KCNH3: variants seen among roughly 807,000 people sequenced by gnomAD.
KCNH3 encodes potassium voltage-gated channel subfamily H member 3, also known as voltage-gated inwardly rectifying potassium channel KCNH3.
In KCNH3, 36 loss-of-function variants were observed where a neutral mutation model predicts 95.6. The observed-to-expected ratio is 0.38, with a 90% confidence interval of 0.29 to 0.50. The LOEUF (loss-of-function observed/expected upper bound fraction) is 0.50. KCNH3 is among the 20% of genes least tolerant of loss of function. The pLI is 0.95. For missense variants in KCNH3, 1,030 were observed against 1,484.1 expected (o/e 0.69, Z 5.03); for synonymous variants, 620 against 646.3 (o/e 0.96, Z 0.62).
In KCNH3 at chr12:49,555,926, A is replaced by G. The variant is rs1438943395; in HGVS notation, c.2443A>G (p.Asn815Asp). The G allele has an allele frequency of 1.3e-6, 2 of 1,568,248 alleles. No individual in the cohort carries two copies. The change falls in exon 12 of 15, where the codon AAT becomes GAT. Residue 815 changes from asparagine to aspartate, a missense_variant. Physicochemically the swap from Asn to Asp is conservative, Grantham distance 23. Coordinates refer to ENST00000257981, the MANE Select transcript of KCNH3 (RefSeq NM_012284.3). Reference sequence around the variant, plus strand: ...GCTACGGCTGCCCCCCATGCCATGGAATGTGCCCCCAGATCTGAGCCCCAG... The same window carrying G: ...GCTACGGCTGCCCCCCATGCCATGGGATGTGCCCCCAGATCTGAGCCCCAG... ...EGLRLPPMPW[N>D]VPPDLSPRVV...
chr12:49,539,328 C>A lies in KCNH3; in HGVS notation c.-89C>A. 2.6e-6 allele frequency: 2 copies of A among 758,362 alleles called. No individual in the cohort carries two copies. The highest frequency in any genetic ancestry group is 3.6e-6 in the Non-Finnish European group (2 of 550,604). 47.0% of individuals were successfully genotyped at this position (758,362 alleles called of 1,614,324 possible). A position where few individuals can be genotyped will look rare whatever the true frequency, so the allele number is the denominator to read the frequency against. ...CGGCTGCGCTAGGGAGCGCGGGGCC[C>A]GGCGGGGGGCGGCCGAGCTGGGCGC... On this transcript the variant is annotated 5_prime_UTR_variant, in exon 1 of 15. Transcript: ENST00000257981. The surrounding 1 kb of genome is among the most constrained non-coding windows in gnomAD (Gnocchi z 6.7).
At position 49,554,410 on chromosome 12, in the gene KCNH3, G is replaced by A. The variant is rs530393557; in HGVS notation, c.1992G>A (p.Gly664=). Residue 664 remains glycine (G), a synonymous_variant, in exon 11 of 15, where the codon GGG becomes GGA. Coordinates refer to ENST00000257981, the MANE Select transcript of KCNH3 (RefSeq NM_012284.3). ...QVVKANADVK[G]LTYCVLQCLQ... is the part of the protein sequence containing the mutation. ...TAAAGGCCAATGCCGACGTGAAGGG[G>A]CTGACGTACTGCGTCCTGCAGTGTC... is the stretch of plus-strand genomic sequence containing the variant. The A allele has an allele frequency of 6.2e-7, 1 of 1,613,180 alleles. No individual in the cohort carries two copies. Among genetic ancestry groups the A allele is most frequent in the East Asian group, 2.2e-5 (1 of 44,894 alleles).
intron 7 of KCNH3, among the ~76,000 whole-genome samples, chr12:49,546,490 C>T (rs946124167): frequency 6.6e-6 from 1 of 152,128 alleles, no homozygotes; most frequent in Non-Finnish European, 1.5e-5. Context: ...GTGGGCAGCT[C>T]CTTCTCCAAG....
At chr12:49,545,373 A>G (rs958876055) in intron 7 of KCNH3, among the ~76,000 whole-genome samples, 1 of 149,176 alleles carries the variant, frequency 6.7e-6, no homozygotes, top group Admixed American at 6.6e-5. Flanking sequence ...CAGGTAACTG[A>G]CATTTAGCCG....
chr12:49,551,497 A>G (rs1041186539), intron 10 of KCNH3, among the ~76,000 whole-genome samples: 4 of 148,842 alleles, frequency 2.7e-5, no homozygotes, highest in African/African-American at 1.0e-4. Flanking sequence ...AATTGCTTAA[A>G]CCCAGGAGAT....
intron 12 of KCNH3, 140 bp from the exon 13 acceptor site, chr12:49,556,230 C>G (rs954034615): frequency 1.6e-5 from 11 of 694,650 alleles, no homozygotes; most frequent in Non-Finnish European, 2.8e-5. Context: ...GAAGGGACCC[C>G]ATGTTAGCTT....
Position 49,557,538 on chromosome 12 carries a change from C to A in KCNH3, c.2837C>A (p.Ser946Tyr). 2 of 1,611,782 alleles carry A rather than the reference C, an allele frequency of 1.2e-6. No individual in the cohort carries two copies. Reference protein sequence around the residue: ...QPLCVDTGASSYCLQPPAGSV... With the variant: ...QPLCVDTGASYYCLQPPAGSV... ...CTGTGTGTGGACACTGGGGCATCCT[C>A]CTACTGCCTGCAGCCCCCAGCTGGC... Residue 946 changes from serine (S) to tyrosine (Y), a missense_variant, in exon 15 of 15, where the codon TCC (serine) becomes TAC (tyrosine). By Grantham distance (144) the Ser-to-Tyr change is moderately radical. Transcript: ENST00000257981.
intron 1 of KCNH3, among the ~76,000 whole-genome samples, chr12:49,540,303 GC>G (rs1169313111): frequency 6.6e-6 from 1 of 152,098 alleles, no homozygotes; most frequent in Non-Finnish European, 1.5e-5. Context: ...CTGATTCAGT[GC>G]CCCCCACTCC....
intron 7 of KCNH3, among the ~76,000 whole-genome samples, chr12:49,548,136 G>A (rs968581843): frequency 8.6e-5 from 13 of 151,072 alleles, no homozygotes; most frequent in East Asian, 2.0e-4. Flanking sequence ...GTGTGTGTGC[G>A]CGCGCACCTG....
chr12:49,556,206 G>A, intron 12 of KCNH3, 164 bp from the exon 13 acceptor site: 1 of 636,704 alleles, frequency 1.6e-6, no homozygotes. Context: ...CAGCTAAACT[G>A]TAAGCTCCTA....
chr12:49,557,216 G>C lies in KCNH3; in HGVS notation c.2609G>C (p.Ser870Thr), dbSNP rs951124152. The change falls in exon 14 of 15, where the codon AGC (serine) becomes ACC (threonine). Residue 870 changes from serine (S) to threonine (T), a missense_variant. Coordinates refer to ENST00000257981, the MANE Select transcript of KCNH3 (RefSeq NM_012284.3). ...SGLLTVPHGPSEARNTDTLDK... is the reference protein window; with the variant it reads ...SGLLTVPHGPTEARNTDTLDK... ...CTGCTCACTGTTCCCCATGGGCCCA[G>C]CGAGGCAAGGAACACAGACACACTG... is the stretch of plus-strand genomic sequence containing the variant. The C allele has an allele frequency of 1.2e-6, 2 of 1,613,874 alleles. No homozygotes were observed. The highest frequency in any genetic ancestry group is 2.7e-5 in the African/African-American group (2 of 74,908).
intron 7 of KCNH3, chr12:49,546,032 T>C (rs1319535020): frequency 6.6e-6 from 1 of 151,864 alleles, no homozygotes; most frequent in Non-Finnish European, 1.5e-5. Context: ...ACCCCCAAAG[T>C]GGGCTGAGAC....
At chr12:49,548,369 C>T (rs988186232) in intron 7 of KCNH3, among the ~76,000 whole-genome samples, 9 of 152,008 alleles carry the variant, frequency 5.9e-5, no homozygotes, top group Non-Finnish European at 8.8e-5. Flanking sequence ...TGTGCATGTC[C>T]ATGCAGGCGT....
At chr12:49,555,465 T>C (rs1196954661) in intron 11 of KCNH3, among the ~76,000 whole-genome samples, 155 bp from the exon 12 acceptor site, 2 of 148,232 alleles carry the variant, frequency 1.3e-5, no homozygotes, top group African/African-American at 2.5e-5. Context: ...AAAAAAAAGA[T>C]AGTATCATCT....
At chr12:49,549,208 TC>T in intron 8 of KCNH3, 35 bp downstream of exon 8, 1 of 1,548,568 alleles carries the variant, frequency 6.5e-7, no homozygotes, top group African/African-American at 1.4e-5. Flanking sequence ...CCGGGGCCAC[TC>T]CCAGACTTCT....
Position 49,555,943 on chromosome 12 carries a change from G to A in KCNH3, c.2460G>A (p.Leu820=). ...PPMPWNVPPD[L]SPRVVDGIED... ...TGCCATGGAATGTGCCCCCAGATCT[G>A]AGCCCCAGGTGAGCAGACCCTAGGC... The change falls in exon 12 of 15, where the codon CTG becomes CTA. Residue 820 remains leucine (L), a synonymous_variant. Transcript: ENST00000257981. 1 of 1,537,340 alleles carries A rather than the reference G, an allele frequency of 6.5e-7. No individual in the cohort carries two copies. The highest frequency in any genetic ancestry group is 8.9e-7 in the Non-Finnish European group (1 of 1,126,842).
In KCNH3 at chr12:49,556,906, C is replaced by CAT. The variant is rs1412022043; in HGVS notation, c.2576-276_2576-275dup. Among the ~76,000 whole-genome samples the CAT allele has an allele frequency of 1.5e-4, 23 of 152,160 alleles. No individual in the cohort carries two copies. In the East Asian group the frequency reaches 4.4e-3, roughly 29 times the overall value. ...AAGGTAATGAGCTCCTAGGAATGTC[C>CAT]ATTTGCCTGGAGGACAGAGCAAGGG... On this transcript the variant is annotated intron_variant, in intron 13 of 14. Transcript: ENST00000257981.
At chr12:49,542,596 T>A in intron 3 of KCNH3, 110 bp from the exon 4 acceptor site, 1 of 1,289,076 alleles carries the variant, frequency 7.8e-7, no homozygotes, top group East Asian at 2.6e-5. Flanking sequence ...TTCTAAGTGG[T>A]CAATGAGCCA....
chr12:49,541,847 G>A, intron 3 of KCNH3, 83 bp downstream of exon 3: 2 of 1,487,374 alleles, frequency 1.3e-6, no homozygotes, highest in East Asian at 2.3e-5. Context: ...GAGTACGGGG[G>A]TCCCCCATGC....
Sources: gnomAD v4.1 joint callset for allele counts (sites outside exome capture counted in the v4.1 genomes callset) on GRCh38, gnomAD v4.1.1 for gene constraint, Gnocchi (gnomAD v3.1) non-coding constraint, MANE v1.5 for transcripts, NCBI Gene and HGNC (gene_info 2026-07-23, HGNC 2026-07-21) for gene names.